The following ADAMTSL1 variants were observed in gnomAD, a reference collection of about 807,000 sequenced individuals.
The protein encoded by ADAMTSL1 is ADAMTS-like protein 1.
In ADAMTSL1, 126 loss-of-function variants were observed where a neutral mutation model predicts 201.8. That is an observed-to-expected ratio of 0.62 (90% CI 0.54 to 0.72). The LOEUF (loss-of-function observed/expected upper bound fraction) is 0.72. Among genes scored for constraint, ADAMTSL1 ranks in the 30% least tolerant of loss-of-function variants. The pLI, the probability that ADAMTSL1 is intolerant of heterozygous loss-of-function variation, is 0.00. For synonymous variants in ADAMTSL1, 1,121 were observed against 903.4 expected (o/e 1.24, Z -4.32); for missense variants, 2,679 against 2,277.8 (o/e 1.18, Z -3.59).
rs542266732 is a variant in ADAMTSL1 at position 18,202,652 on chromosome 9, G to T, written c.207+38671G>T. ...GCAAAATGAAGACTATGCATCCGTT[G>T]CACCCTGAACACACCTCTATCCTAG... On this transcript the variant is annotated intron_variant, in intron 2 of 29. Transcript: ENST00000680146. 5.3e-5 allele frequency among the ~76,000 whole-genome samples: 8 copies of T among 152,276 alleles called. No individual in the cohort carries two copies. The South Asian group carries it at 1.7e-3, about 32-fold the overall frequency.
Position 18,882,487 on chromosome 9 carries a change from C to T in ADAMTSL1, c.4250-5344C>T, listed in dbSNP as rs190441679. Among the ~76,000 whole-genome samples the T allele has an allele frequency of 8.4e-4, 128 of 152,248 alleles. 1 individual carries two copies. Among genetic ancestry groups the T allele is most frequent in the African/African-American group, 2.4e-3 (100 of 41,550 alleles). On this transcript the variant is annotated intron_variant, in intron 23 of 28. Transcript: ENST00000380548. ...TCCTGGCTTTTATTGGAAAATGGAA[C>T]GAGCATTTTACTCCAGGCTACAATT...
At chr9:17,993,749 AT>A (rs1382549306) in intron 1 of ADAMTSL1, among the ~76,000 whole-genome samples, 1 of 152,164 alleles carries the variant, frequency 6.6e-6, no homozygotes, top group Admixed American at 6.5e-5. Context: ...GAAATTGGCT[AT>A]TACATTCTGC....
chr9:18,147,966 C>A (rs573654313), intron 1 of ADAMTSL1, among the ~76,000 whole-genome samples: 5 of 152,208 alleles, frequency 3.3e-5, no homozygotes, highest in Admixed American at 3.3e-4. Flanking sequence ...TTCTACTAGA[C>A]TGTAAGACCA....
intron 2 of ADAMTSL1, among the ~76,000 whole-genome samples, chr9:18,381,567 T>C (rs376995181): frequency 1.3e-5 from 2 of 152,134 alleles, no homozygotes; most frequent in Admixed American, 1.3e-4. Context: ...CTGGTTGAGA[T>C]TGGGTTAATA....
chr9:18,367,139 A>T (rs776307435), intron 2 of ADAMTSL1, among the ~76,000 whole-genome samples: 28 of 152,118 alleles, frequency 1.8e-4, no homozygotes, highest in Admixed American at 5.9e-4. Context: ...CCACCTACCA[A>T]AGTAATCTGC....
At chr9:18,148,635 T>C (rs1043230523) in intron 1 of ADAMTSL1, among the ~76,000 whole-genome samples, 1 of 152,032 alleles carries the variant, frequency 6.6e-6, no homozygotes, top group African/African-American at 2.4e-5. Flanking sequence ...TGATAACAGT[T>C]GATGATTAGG....
chr9:18,002,207 T>C (rs10963391), intron 1 of ADAMTSL1, among the ~76,000 whole-genome samples: 58,721 of 151,830 alleles, frequency 0.39, 11,618 homozygotes, highest in African/African-American at 0.45. Flanking sequence ...TGTTAATCTA[T>C]AGGAATCTGT....
intron 1 of ADAMTSL1, among the ~76,000 whole-genome samples, chr9:18,488,077 C>T (rs2210057): frequency 5.3e-5 from 8 of 152,108 alleles, no homozygotes; most frequent in Non-Finnish European, 7.4e-5. Context: ...CAATATCTAA[C>T]GAATAGAAGC....
intron 2 of ADAMTSL1, among the ~76,000 whole-genome samples, chr9:18,523,168 G>C (rs1818807943): frequency 6.6e-6 from 1 of 152,140 alleles, no homozygotes; most frequent in Admixed American, 6.6e-5. Context: ...TTGTGGTTTT[G>C]ATTTGCATTT....
At chr9:18,011,673 T>C (rs1017087607) in intron 1 of ADAMTSL1, among the ~76,000 whole-genome samples, 2 of 152,016 alleles carry the variant, frequency 1.3e-5, no homozygotes, top group East Asian at 3.9e-4. Flanking sequence ...AAACTTAATA[T>C]TTTAGAGCTC....
At chr9:18,649,177 C>T (rs181352313) in intron 7 of ADAMTSL1, among the ~76,000 whole-genome samples, 1 of 152,318 alleles carries the variant, frequency 6.6e-6, no homozygotes, top group Admixed American at 6.5e-5. Context: ...CAGTTGATTG[C>T]ATCAGCTCCT....
At chr9:18,396,535 A>G (rs1269157389) in intron 2 of ADAMTSL1, among the ~76,000 whole-genome samples, 1 of 148,088 alleles carries the variant, frequency 6.8e-6, no homozygotes, top group Non-Finnish European at 1.5e-5. Flanking sequence ...ATTAATTTAT[A>G]TCAAGTAATA....
chr9:18,522,888 C>T (rs972402216), intron 2 of ADAMTSL1, among the ~76,000 whole-genome samples: 52 of 152,046 alleles, frequency 3.4e-4, no homozygotes, highest in Non-Finnish European at 6.0e-4. Flanking sequence ...GTGAATAGTG[C>T]CGCAATAAAC....
chr9:18,013,863 A>G (rs113070262), intron 1 of ADAMTSL1, among the ~76,000 whole-genome samples: 471 of 152,092 alleles, frequency 3.1e-3, no homozygotes, highest in African/African-American at 0.01. Flanking sequence ...AAATGCTGTG[A>G]TCAAGTTTTC....
At chr9:18,794,246 G>A (rs1406709601) in intron 19 of ADAMTSL1, among the ~76,000 whole-genome samples, 1 of 151,790 alleles carries the variant, frequency 6.6e-6, no homozygotes. Flanking sequence ...CTATCTTTAC[G>A]CAAAATTTAA....
intron 2 of ADAMTSL1, among the ~76,000 whole-genome samples, chr9:18,232,800 C>T (rs1006681335): frequency 9.9e-5 from 15 of 152,162 alleles, no homozygotes; most frequent in African/African-American, 3.4e-4. Context: ...AGAAAAGTAG[C>T]ATCCTGCTCA....
chr9:17,927,558 C>T (rs887086872), intron 1 of ADAMTSL1, among the ~76,000 whole-genome samples: 9 of 151,952 alleles, frequency 5.9e-5, no homozygotes, highest in African/African-American at 1.9e-4. Flanking sequence ...CAAGCAACTT[C>T]AGATCAAAAT....
At chr9:18,270,627 C>T (rs957678228) in intron 2 of ADAMTSL1, among the ~76,000 whole-genome samples, 2 of 152,014 alleles carry the variant, frequency 1.3e-5, no homozygotes, top group Non-Finnish European at 2.9e-5. Context: ...AAACTTTTAT[C>T]CAGAAAGGCA....
chr9:18,574,695 T>C (rs1822595123), intron 4 of ADAMTSL1, among the ~76,000 whole-genome samples: 1 of 152,046 alleles, frequency 6.6e-6, no homozygotes, highest in African/African-American at 2.4e-5. Context: ...CCAAGTAAAC[T>C]GTAGGAAAAC....
Sources: gnomAD v4.1 joint callset for allele counts (sites outside exome capture counted in the v4.1 genomes callset) on GRCh38, gnomAD v4.1.1 for gene constraint, MANE v1.5 for transcripts, NCBI Gene and HGNC (gene_info 2026-07-23, HGNC 2026-07-21) for gene names.